SAMD12: variants seen among roughly 807,000 people sequenced by gnomAD.
The protein encoded by SAMD12 is sterile alpha motif domain-containing protein 12.
A neutral mutation model predicts 15.0 loss-of-function variants in SAMD12; 9 were observed. The ratio of observed to expected loss-of-function variants is 0.60; its 90% CI spans 0.36 to 1.05. The LOEUF (loss-of-function observed/expected upper bound fraction) is 1.05, where lower values mean the gene tolerates loss of function less well. Ranked by LOEUF, SAMD12 falls within the 50% of genes least tolerant of loss-of-function variation. SAMD12 has a pLI of 0.01. For synonymous variants in SAMD12, 86 were observed against 90.1 expected (o/e 0.96, Z 0.25); for missense variants, 230 against 234.2 (o/e 0.98, Z 0.12).
intron 3 of SAMD12, among the ~76,000 whole-genome samples, chr8:118,390,575 G>C (rs897622990): frequency 6.6e-6 from 1 of 152,086 alleles, no homozygotes; most frequent in African/African-American, 2.4e-5. Flanking sequence ...AGGTGACTAC[G>C]AATCACCCAA....
intron 2 of SAMD12, among the ~76,000 whole-genome samples, chr8:118,572,301 A>G (rs1228702360): frequency 6.6e-6 from 1 of 152,232 alleles, no homozygotes; most frequent in Non-Finnish European, 1.5e-5. Flanking sequence ...CCATAGGTGG[A>G]AGAGACTTGC....
At chr8:118,548,627 C>G (rs1563576568) in intron 2 of SAMD12, among the ~76,000 whole-genome samples, 7 of 152,214 alleles carry the variant, frequency 4.6e-5, no homozygotes. Context: ...TCTGCATTTT[C>G]ATCTGAGGTA....
At chr8:118,384,387 A>T (rs927009266) in intron 3 of SAMD12, among the ~76,000 whole-genome samples, 2 of 152,314 alleles carry the variant, frequency 1.3e-5, no homozygotes, top group East Asian at 3.9e-4. Context: ...GCAGAGGTAT[A>T]TGTAGGAGCA....
At chr8:118,204,290 T>C (rs1251428968) in intron 4 of SAMD12, among the ~76,000 whole-genome samples, 1 of 152,014 alleles carries the variant, frequency 6.6e-6, no homozygotes, top group Non-Finnish European at 1.5e-5. Context: ...AAACTTTGCT[T>C]CTAGTCTATG....
At chr8:118,526,200 T>C (rs551514353) in intron 2 of SAMD12, among the ~76,000 whole-genome samples, 5 of 152,278 alleles carry the variant, frequency 3.3e-5, no homozygotes, top group Middle Eastern at 3.4e-3. Context: ...CAACATGAGA[T>C]AGAAACTATC....
chr8:118,333,236 G>GTCACC (rs953571815), intron 4 of SAMD12, among the ~76,000 whole-genome samples: 1 of 152,114 alleles, frequency 6.6e-6, no homozygotes, highest in Non-Finnish European at 1.5e-5. Flanking sequence ...ATTTCCAACA[G>GTCACC]TCACCTCCTC....
intron 2 of SAMD12, among the ~76,000 whole-genome samples, chr8:118,533,343 C>T (rs199805215): frequency 3.3e-5 from 5 of 152,190 alleles, no homozygotes; most frequent in African/African-American, 1.2e-4. Flanking sequence ...ATTTGCTGAG[C>T]AGTGCTTTAC....
chr8:118,352,725 A>G (rs752502633), intron 4 of SAMD12, among the ~76,000 whole-genome samples: 2 of 152,212 alleles, frequency 1.3e-5, no homozygotes, highest in South Asian at 2.1e-4. Context: ...CGGTTTCTCA[A>G]AGGAATATTT....
intron 2 of SAMD12, among the ~76,000 whole-genome samples, chr8:118,546,680 C>A (rs1188193417): frequency 6.6e-6 from 1 of 152,184 alleles, no homozygotes; most frequent in African/African-American, 2.4e-5. Flanking sequence ...CCTCTCTAAC[C>A]CCGCATTCCT....
intron 2 of SAMD12, among the ~76,000 whole-genome samples, chr8:118,518,128 A>G (rs1388856445): frequency 6.6e-6 from 1 of 152,170 alleles, no homozygotes; most frequent in Non-Finnish European, 1.5e-5. Context: ...AAAAGTAATC[A>G]CTGTGGCCAA....
At chr8:118,495,117 C>T (rs1824570548) in intron 2 of SAMD12, among the ~76,000 whole-genome samples, 1 of 152,174 alleles carries the variant, frequency 6.6e-6, no homozygotes, top group African/African-American at 2.4e-5. Flanking sequence ...GGTTAGTTGC[C>T]ATCACTATTT....
At chr8:118,282,183 C>T (rs1400111771) in intron 4 of SAMD12, 1 of 416,242 alleles carries the variant, frequency 2.4e-6, no homozygotes, top group Admixed American at 2.8e-5. Context: ...GATTACTTCC[C>T]TTTTTTCTTT....
chr8:118,313,870 T>A (rs1815750395), intron 4 of SAMD12, among the ~76,000 whole-genome samples: 1 of 151,966 alleles, frequency 6.6e-6, no homozygotes, highest in Non-Finnish European at 1.5e-5. Context: ...AATTTGGCTA[T>A]TTTTTGACAT....
chr8:118,504,428 G>C (rs535592412), intron 2 of SAMD12, among the ~76,000 whole-genome samples: 1 of 152,334 alleles, frequency 6.6e-6, no homozygotes, highest in East Asian at 1.9e-4. Flanking sequence ...CAGATGGTGA[G>C]ACAGTCTGGG....
chr8:118,303,247 C>T (rs551950501), intron 4 of SAMD12, among the ~76,000 whole-genome samples: 2 of 152,288 alleles, frequency 1.3e-5, no homozygotes, highest in East Asian at 1.9e-4. Context: ...CTCTTAGACA[C>T]GTTGTGCCAA....
chr8:118,569,590 C>T (rs1182850381), intron 2 of SAMD12, among the ~76,000 whole-genome samples: 2 of 152,104 alleles, frequency 1.3e-5, no homozygotes, highest in Non-Finnish European at 1.5e-5. Flanking sequence ...GAGGTAATTA[C>T]GGGTTTAGAT....
the SAMD12 span, among the ~76,000 whole-genome samples, chr8:118,143,671 A>C: frequency 6.6e-6 from 1 of 152,184 alleles, no homozygotes; most frequent in African/African-American, 2.4e-5. Flanking sequence ...TTAAAATTAA[A>C]CCTGTGGGAA....
rs759841320 is a variant in SAMD12, at chr8:118,379,445, G to A, written c.578C>T (p.Ser193Phe). 6.2e-7 allele frequency: 1 copy of A among 1,613,554 alleles called. No individual in the cohort carries two copies. Among genetic ancestry groups the A allele is most frequent in the Non-Finnish European group, 8.5e-7 (1 of 1,179,718 alleles). The change falls in exon 4 of 4, where the codon TCC becomes TTC. Residue 193 changes from serine to phenylalanine, a missense_variant. Transcript: ENST00000314727. ...AATCTGTATACTATTTTCTATGATG[G>A]AAATTCTGTGAAGAAACAATAACAA... ...ENLLLFLHRI[S>F]IIENSIQI
At chr8:118,352,056 AG>A (rs369117847) in intron 4 of SAMD12, among the ~76,000 whole-genome samples, 9 of 152,370 alleles carry the variant, frequency 5.9e-5, no homozygotes, top group African/African-American at 1.7e-4. Flanking sequence ...ACTTACGAGT[AG>A]CAAAACTATG....
Sources: allele counts gnomAD v4.1 joint callset (sites outside exome capture counted in the v4.1 genomes callset), GRCh38; gene constraint gnomAD v4.1.1; transcripts MANE v1.5; gene names NCBI Gene and HGNC (gene_info 2026-07-23, HGNC 2026-07-21).